ZNF541: variants seen among roughly 807,000 people sequenced by gnomAD.
The protein encoded by ZNF541 is zinc finger protein 541.
A neutral mutation model predicts 123.5 loss-of-function variants in ZNF541; 23 were observed. The ratio of observed to expected loss-of-function variants is 0.19; its 90% confidence interval spans 0.13 to 0.26. ZNF541 has a LOEUF of 0.26. Ranked by LOEUF, ZNF541 falls within the 10% of genes least tolerant of loss-of-function variation. The probability of loss-of-function intolerance (pLI) is 1.00; values close to 1 mark genes in which losing one functional copy is unlikely to be tolerated. For synonymous variants in ZNF541, 751 were observed against 754.5 expected (o/e 1.00, Z 0.08); for missense variants, 1,612 against 1,789.9 (o/e 0.90, Z 1.79).
chr19:47,553,150 A>G (rs1970676772), intron 3 of ZNF541, among the ~76,000 whole-genome samples: 1 of 152,120 alleles, frequency 6.6e-6, no homozygotes, highest in Non-Finnish European at 1.5e-5. Flanking sequence ...GGACACTGAA[A>G]AACAGGCAAA....
chr19:47,558,469 T>C (rs1182773793), intron 2 of ZNF541, among the ~76,000 whole-genome samples: 2 of 151,832 alleles, frequency 1.3e-5, no homozygotes, highest in Admixed American at 1.3e-4. Flanking sequence ...AACAACTGTA[T>C]TCAGATAATT....
intron 3 of ZNF541, among the ~76,000 whole-genome samples, chr19:47,551,802 G>A (rs1393485468): frequency 6.6e-6 from 1 of 152,184 alleles, no homozygotes; most frequent in African/African-American, 2.4e-5. Flanking sequence ...CCAAAGTGCT[G>A]GGATTACAGG....
At chr19:47,543,500 T>G (rs1278518994) in intron 5 of ZNF541, among the ~76,000 whole-genome samples, 2 of 151,800 alleles carry the variant, frequency 1.3e-5, no homozygotes, top group African/African-American at 2.4e-5. Context: ...CAGGAATCTT[T>G]AAAGGAAAGA....
chr19:47,550,319 GAGAA>G (rs1351268142), intron 3 of ZNF541, among the ~76,000 whole-genome samples: 2 of 147,186 alleles, frequency 1.4e-5, no homozygotes, highest in Non-Finnish European at 3.0e-5. Flanking sequence ...GAAAGAGAGA[GAGAA>G]AGAGAGAGAG....
At chr19:47,563,866 A>T (rs1406771694) in intron 2 of ZNF541, among the ~76,000 whole-genome samples, 1 of 152,076 alleles carries the variant, frequency 6.6e-6, no homozygotes, top group South Asian at 2.1e-4. Flanking sequence ...TCGGCCTCCC[A>T]AAGTGCTGGG....
intron 13 of ZNF541, among the ~76,000 whole-genome samples, chr19:47,529,241 C>T (rs1184700041): frequency 6.6e-6 from 1 of 152,196 alleles, no homozygotes; most frequent in African/African-American, 2.4e-5. Flanking sequence ...AGGCTTCAGT[C>T]GCTTGCTAAA....
rs1230029567 is a variant in ZNF541 at position 47,545,599 on chromosome 19, G to A, written c.930C>T (p.Pro310=). ...SEGRNTACPC[P]ASSGSSSCTP... ...TGCAGGACGAGGACCCCGATGAGGC[G>A]GGGCAGGGACAGGCAGTGTTCCTCC... is the stretch of plus-strand genomic sequence containing the variant. The change falls in exon 5 of 17, where the codon CCC becomes CCT. Residue 310 remains proline (P), a synonymous_variant. Coordinates refer to ENST00000391901, the MANE Select transcript of ZNF541 (RefSeq NM_001277075.3). The surrounding 1 kb of genome is among the most constrained non-coding windows in gnomAD (Gnocchi z 7.5). 2 of 1,546,932 alleles carry A rather than the reference G, an allele frequency of 1.3e-6. No individual in the cohort carries two copies. The highest frequency in any genetic ancestry group is 2.4e-5 in the East Asian group (1 of 40,852).
intron 4 of ZNF541, among the ~76,000 whole-genome samples, chr19:47,546,402 G>A (rs1378063615): frequency 6.6e-6 from 1 of 151,988 alleles, no homozygotes; most frequent in Non-Finnish European, 1.5e-5. Flanking sequence ...CCAGCTACTG[G>A]GGAAGCTGAG....
At chr19:47,533,317 G>A (rs955892049) in intron 9 of ZNF541, among the ~76,000 whole-genome samples, 8 of 126,616 alleles carry the variant, frequency 6.3e-5, no homozygotes, top group African/African-American at 2.5e-4. Context: ...CCGAGATCGC[G>A]CCACTGCACT....
intron 2 of ZNF541, among the ~76,000 whole-genome samples, chr19:47,561,497 G>A (rs561998118): frequency 1.1e-3 from 163 of 151,916 alleles, no homozygotes; most frequent in Non-Finnish European, 1.8e-3. Flanking sequence ...TAAAAAAAGA[G>A]CTTCCACATA....
intron 2 of ZNF541, among the ~76,000 whole-genome samples, chr19:47,565,948 G>A (rs1401354155): frequency 6.6e-6 from 1 of 152,182 alleles, no homozygotes; most frequent in African/African-American, 2.4e-5. Flanking sequence ...AAGCTGAGGT[G>A]TGCGGATCAC....
intron 1 of ZNF541, among the ~76,000 whole-genome samples, 179 bp downstream of exon 1, chr19:47,572,904 G>T (rs1265446050): frequency 6.6e-6 from 1 of 152,058 alleles, no homozygotes; most frequent in Non-Finnish European, 1.5e-5. Flanking sequence ...GTGACGCAGG[G>T]TGAGGGGCGC....
intron 9 of ZNF541, among the ~76,000 whole-genome samples, chr19:47,534,781 A>C (rs1262375429): frequency 2.0e-5 from 3 of 152,140 alleles, no homozygotes; most frequent in Non-Finnish European, 4.4e-5. Flanking sequence ...ATACACCCAC[A>C]CGTTTATGGT....
At chr19:47,561,282 T>G (rs145585123) in intron 2 of ZNF541, among the ~76,000 whole-genome samples, 1 of 152,004 alleles carries the variant, frequency 6.6e-6, no homozygotes, top group African/African-American at 2.4e-5. Flanking sequence ...AAAAAATTTT[T>G]TTTTAATTAG....
chr19:47,573,194 C>A (rs964337406), upstream of ZNF541, among the ~76,000 whole-genome samples: 20 of 150,222 alleles, frequency 1.3e-4, no homozygotes, highest in African/African-American at 4.9e-4. Flanking sequence ...CGGCCCACCC[C>A]CGGATCTCCT....
chr19:47,534,658 T>G (rs1969734120), intron 9 of ZNF541, among the ~76,000 whole-genome samples: 1 of 150,688 alleles, frequency 6.6e-6, no homozygotes, highest in Non-Finnish European at 1.5e-5. Flanking sequence ...AAAAAACCCC[T>G]CCAAACCACC....
intron 4 of ZNF541, 23 bp downstream of exon 4, chr19:47,549,222 T>C: frequency 1.3e-6 from 2 of 1,551,614 alleles, no homozygotes; most frequent in Non-Finnish European, 1.7e-6. Context: ...AACAGACGTT[T>C]TTCTGACCAG....
In ZNF541 at chr19:47,532,896, G is replaced by T. The variant is rs1361893698; in HGVS notation, c.3158+13C>A. Reference sequence around the variant, plus strand: ...GGGGTAAAAGCAGCTTCACTGGAAAGGACCCAACTTACGGCTCAATGCTGA... The same window carrying T: ...GGGGTAAAAGCAGCTTCACTGGAAATGACCCAACTTACGGCTCAATGCTGA... On this transcript the variant is annotated intron_variant, in intron 10 of 16. Transcript: ENST00000391901. 2 of 1,549,460 alleles carry T rather than the reference G, an allele frequency of 1.3e-6. No individual in the cohort carries two copies. Among genetic ancestry groups the T allele is most frequent in the South Asian group, 1.2e-5 (1 of 83,796 alleles).
intron 1 of ZNF541, among the ~76,000 whole-genome samples, chr19:47,572,659 G>A (rs1971515559): frequency 6.6e-6 from 1 of 152,022 alleles, no homozygotes; most frequent in Admixed American, 6.6e-5. Context: ...TGAGCAGAAG[G>A]GGCCTGGAAG....
Sources: allele counts gnomAD v4.1 joint callset (sites outside exome capture counted in the v4.1 genomes callset), GRCh38; gene constraint gnomAD v4.1.1; non-coding constraint Gnocchi (gnomAD v3.1); transcripts MANE v1.5; gene names NCBI Gene and HGNC (gene_info 2026-07-23, HGNC 2026-07-21).